Variants in HERC2 observed in about 807,000 individuals in gnomAD.
HERC2 encodes the protein E3 ubiquitin-protein ligase HERC2.
A neutral mutation model predicts 537.7 loss-of-function variants in HERC2; 102 were observed. The observed-to-expected ratio is 0.19, with a 90% CI of 0.16 to 0.22. HERC2 has a LOEUF of 0.22. Ranked by LOEUF, HERC2 falls within the 10% of genes least tolerant of loss-of-function variation. HERC2 has a pLI of 1.00. For missense variants in HERC2, 4,236 were observed against 6,198.2 expected, an observed-to-expected ratio of 0.68 and a Z score of 10.63; for synonymous variants, 2,224 against 2,466.2, an observed-to-expected ratio of 0.90 and a Z score of 2.91.
At chr15:28,128,625 T>G (rs1889760457) in intron 83 of HERC2, among the ~76,000 whole-genome samples, 1 of 152,222 alleles carries the variant, frequency 6.6e-6, no homozygotes, top group Non-Finnish European at 1.5e-5. Context: ...AGGAGCACAG[T>G]TTGTGCGAAG....
chr15:28,119,182 A>T (rs1179635506), intron 86 of HERC2, among the ~76,000 whole-genome samples: 1 of 151,764 alleles, frequency 6.6e-6, no homozygotes, highest in Non-Finnish European at 1.5e-5. Flanking sequence ...GATCACCTGC[A>T]GTCAGGAGTT....
chr15:28,247,618 CG>C (rs1409608333), intron 21 of HERC2, among the ~76,000 whole-genome samples: 1 of 151,800 alleles, frequency 6.6e-6, no homozygotes, highest in African/African-American at 2.4e-5. Context: ...TTAGTAGAGA[CG>C]GGGTTTCACT....
At chr15:28,238,063 C>G in intron 25 of HERC2, 51 bp downstream of exon 25, 1 of 1,011,680 alleles carries the variant, frequency 9.9e-7, no homozygotes. Flanking sequence ...CACAAACACA[C>G]AGAGGGTATC....
intron 83 of HERC2, among the ~76,000 whole-genome samples, chr15:28,127,408 T>TC (rs1889620525): frequency 6.6e-6 from 1 of 152,110 alleles, no homozygotes; most frequent in Admixed American, 6.5e-5. Context: ...AAAGAAAGGA[T>TC]CTGCAAGGTT....
intron 44 of HERC2, among the ~76,000 whole-genome samples, chr15:28,208,485 A>G (rs1009740945): frequency 5.3e-5 from 8 of 151,618 alleles, no homozygotes; most frequent in African/African-American, 9.7e-5. Context: ...TGTTTCAGAT[A>G]CTCCTATACC....
intron 78 of HERC2, among the ~76,000 whole-genome samples, chr15:28,138,325 C>CT (rs1280039864): frequency 1.3e-5 from 2 of 152,162 alleles, no homozygotes; most frequent in Non-Finnish European, 2.9e-5. Context: ...CCAGCTAGGA[C>CT]TTTCATAGCT....
intron 52 of HERC2, among the ~76,000 whole-genome samples, chr15:28,194,025 T>A (rs1328721264): frequency 1.3e-5 from 2 of 149,008 alleles, no homozygotes; most frequent in Admixed American, 1.3e-4. Flanking sequence ...ATTGACTACA[T>A]AAAATCATCA....
In HERC2 at chr15:28,112,995, G is replaced by A. The variant is rs1887814206; in HGVS notation, c.14232+76C>T. On this transcript the variant is annotated intron_variant, in intron 92 of 92. Coordinates refer to ENST00000261609, the MANE Select transcript of HERC2 (RefSeq NM_004667.6). ...GAGGCTCGTTTTCCATGTGCTGCAG[G>A]ACTGTGGGTGAGGAGCCAGCCACCC... is the stretch of plus-strand genomic sequence containing the variant. 2.5e-6 allele frequency: 3 copies of A among 1,180,498 alleles called. No homozygotes were observed. In the South Asian group the frequency reaches 3.9e-5, roughly 16 times the overall value. The allele number at this position is 1,180,498 out of a possible 1,614,324, so 73.1% of individuals were successfully genotyped here.
intron 26 of HERC2, among the ~76,000 whole-genome samples, chr15:28,235,505 G>T (rs1902334971): frequency 1.3e-5 from 2 of 152,144 alleles, no homozygotes; most frequent in African/African-American, 4.8e-5. Context: ...CCAACGGGGG[G>T]CTGTATGGAC....
chr15:28,233,957 A>G (rs1480741513), intron 27 of HERC2, 113 bp downstream of exon 27: 1 of 655,250 alleles, frequency 1.5e-6, no homozygotes, highest in African/African-American at 1.8e-5. Context: ...CCTCCAAATA[A>G]TACATGAAAC....
intron 86 of HERC2, chr15:28,117,609 A>G (rs1469884791): frequency 2.2e-6 from 1 of 455,994 alleles, no homozygotes; most frequent in Non-Finnish European, 4.4e-6. Flanking sequence ...CCCGGCACTC[A>G]AAGATTCAAC....
At chr15:28,270,961 G>C in intron 9 of HERC2, 93 bp from the exon 10 acceptor site, 1 of 1,011,668 alleles carries the variant, frequency 9.9e-7, no homozygotes, top group South Asian at 1.5e-5. Context: ...TTTTGGTATT[G>C]ACTCATTTGA....
intron 83 of HERC2, among the ~76,000 whole-genome samples, chr15:28,127,400 A>C (rs531152986): frequency 6.6e-6 from 1 of 152,352 alleles, no homozygotes; most frequent in African/African-American, 2.4e-5. Flanking sequence ...TCGCCAGAAA[A>C]GAAAGGATCT....
At chr15:28,223,963 G>C (rs1368780220) in intron 35 of HERC2, among the ~76,000 whole-genome samples, 1 of 151,808 alleles carries the variant, frequency 6.6e-6, no homozygotes, top group Non-Finnish European at 1.5e-5. Flanking sequence ...AACATAAAAA[G>C]GCCATTTCTC....
At chr15:28,251,692 C>T (rs1325897490) in intron 20 of HERC2, among the ~76,000 whole-genome samples, 3 of 151,666 alleles carry the variant, frequency 2.0e-5, no homozygotes, top group African/African-American at 4.8e-5. Context: ...CCCAGCTGCT[C>T]GGGAGGCTGA....
intron 20 of HERC2, among the ~76,000 whole-genome samples, chr15:28,253,161 T>G (rs2140873102): frequency 6.8e-6 from 1 of 146,100 alleles, no homozygotes; most frequent in African/African-American, 2.8e-5. Context: ...TCTTCTTGGG[T>G]GATCATTTTT....
At chr15:28,248,870 C>T (rs1301236179) in intron 20 of HERC2, 134 bp from the exon 21 acceptor site, 7 of 698,316 alleles carry the variant, frequency 1.0e-5, no homozygotes, top group East Asian at 5.4e-5. Context: ...GGCTTCCCTC[C>T]CCAAGTGTGT....
intron 20 of HERC2, among the ~76,000 whole-genome samples, chr15:28,250,660 T>G (rs1189403424): frequency 6.6e-6 from 1 of 152,204 alleles, no homozygotes; most frequent in Admixed American, 6.5e-5. Context: ...AACTCACGTT[T>G]TCCAAGGGAA....
intron 47 of HERC2, 87 bp from the exon 48 acceptor site, chr15:28,201,641 A>G: frequency 1.2e-6 from 1 of 849,244 alleles, no homozygotes; most frequent in East Asian, 2.5e-5. Context: ...AATCTATAAT[A>G]TTAAAAAGTA....
Sources: allele counts gnomAD v4.1 joint callset (sites outside exome capture counted in the v4.1 genomes callset), GRCh38; gene constraint gnomAD v4.1.1; transcripts MANE v1.5; gene names NCBI Gene and HGNC (gene_info 2026-07-23, HGNC 2026-07-21).